The following PMF1 variants were observed in gnomAD, a reference collection of about 807,000 sequenced individuals.
PMF1 encodes polyamine modulated factor 1, also known as polyamine-modulated factor 1.
PMF1 carries 21 observed loss-of-function variants against 26.7 expected under a neutral mutation model. The ratio of observed to expected loss-of-function variants is 0.79; its 90% CI spans 0.56 to 1.13. PMF1 has a LOEUF of 1.13. Among genes scored for constraint, PMF1 ranks in the 50% most tolerant of loss-of-function variants. The pLI, the probability that PMF1 is intolerant of heterozygous loss-of-function variation, is 0.00. For synonymous variants in PMF1, 105 were observed against 101.0 expected (o/e 1.04, Z -0.24); for missense variants, 266 against 254.9 (o/e 1.04, Z -0.30).
At position 156,239,888 on chromosome 1, in the gene PMF1, C is replaced by T. The variant is rs41265031; in HGVS notation, c.*287C>T. ...TAGGTTCAGGTCAGCTCTGCCCCTC[C>T]GCCCCCCTCCTGCTGGTTCCCCAGC... On this transcript the variant is annotated 3_prime_UTR_variant, in exon 5 of 5. Transcript: ENST00000368277. 3,907 of 388,532 alleles carry T rather than the reference C, an allele frequency of 0.01. 31 individuals are homozygous for T. The highest frequency in any genetic ancestry group is 0.014 in the Non-Finnish European group (3,078 of 215,646). The allele number at this position is 388,532 out of a possible 1,614,324, so 24.1% of individuals were successfully genotyped here. A position where few individuals can be genotyped will look rare whatever the true frequency, so the allele number is the denominator to read the frequency against.
chr1:156,233,569 C>A, intron 2 of PMF1, 59 bp from the exon 3 acceptor site: 1 of 1,552,264 alleles, frequency 6.4e-7, no homozygotes, highest in South Asian at 1.1e-5. Context: ...AGCAGTTTAG[C>A]ATATTTTTGC....
chr1:156,214,713 A>G (rs1294606360), intron 1 of PMF1, among the ~76,000 whole-genome samples: 1 of 151,640 alleles, frequency 6.6e-6, no homozygotes, highest in East Asian at 1.9e-4. Flanking sequence ...ATTGCACTCC[A>G]GCCTAGGTGA....
chr1:156,224,547 C>T (rs546490409), intron 1 of PMF1, among the ~76,000 whole-genome samples: 13 of 152,232 alleles, frequency 8.5e-5, no homozygotes, highest in African/African-American at 2.2e-4. Flanking sequence ...GAGGCTGAGG[C>T]GGGCGGATCA....
At chr1:156,214,415 C>G (rs1657568796) in intron 1 of PMF1, among the ~76,000 whole-genome samples, 1 of 152,164 alleles carries the variant, frequency 6.6e-6, no homozygotes, top group Non-Finnish European at 1.5e-5. Flanking sequence ...GGGTTCAGCA[C>G]TTTACCTTTC....
intron 1 of PMF1, among the ~76,000 whole-genome samples, chr1:156,219,762 C>T (rs79075090): frequency 0.059 from 8,970 of 150,850 alleles, 573 homozygotes; most frequent in African/African-American, 0.17. Flanking sequence ...ATTTTTTTTT[C>T]TCTTTGAGAC....
intron 1 of PMF1, among the ~76,000 whole-genome samples, chr1:156,222,181 C>T (rs902047263): frequency 3.3e-5 from 5 of 152,200 alleles, no homozygotes; most frequent in African/African-American, 1.2e-4. Flanking sequence ...GCATGCACAC[C>T]TGAGTGCCAG....
chr1:156,218,806 A>C (rs1457022017), intron 1 of PMF1, among the ~76,000 whole-genome samples: 1 of 151,978 alleles, frequency 6.6e-6, no homozygotes, highest in East Asian at 1.9e-4. Context: ...AAACAAAAAA[A>C]CAGATATTGC....
chr1:156,228,765 G>T (rs573429580), intron 1 of PMF1, among the ~76,000 whole-genome samples: 24 of 152,250 alleles, frequency 1.6e-4, no homozygotes, highest in Admixed American at 4.6e-4. Context: ...AGCCCTGCTT[G>T]GTCAGCATCA....
chr1:156,229,155 G>T (rs777626665), intron 1 of PMF1, among the ~76,000 whole-genome samples: 13 of 152,146 alleles, frequency 8.5e-5, no homozygotes, highest in Non-Finnish European at 1.5e-4. Flanking sequence ...TGATCCGCCC[G>T]CCTTGGCCTC....
chr1:156,216,390 C>G (rs1222101708), intron 1 of PMF1, among the ~76,000 whole-genome samples: 1 of 151,864 alleles, frequency 6.6e-6, no homozygotes, highest in Non-Finnish European at 1.5e-5. Flanking sequence ...GACTCTATCT[C>G]AAAAAAATAA....
Position 156,236,699 on chromosome 1 carries a change from A to G in PMF1, c.564+216A>G. ...CTCCCCCAGATCCTCCACCAGGCAC[A>G]GGCATGTGTTCCCCTGATGGAGCAG... On this transcript the variant is annotated intron_variant, in intron 4 of 4. Coordinates refer to ENST00000368277, the MANE Select transcript of PMF1 (RefSeq NM_007221.4). The G allele has an allele frequency of 7.7e-6, 5 of 648,764 alleles. No individual in the cohort carries two copies. The South Asian group carries it at 1.1e-4, about 14-fold the overall frequency. 40.2% of individuals were successfully genotyped at this position (648,764 alleles called of 1,614,324 possible).
chr1:156,232,559 G>T, intron 2 of PMF1, 134 bp downstream of exon 2: 1 of 730,818 alleles, frequency 1.4e-6, no homozygotes, highest in Non-Finnish European at 2.3e-6. Flanking sequence ...GTGCCCAGCA[G>T]GCTGCAGCAT....
intron 4 of PMF1, among the ~76,000 whole-genome samples, chr1:156,238,180 A>G (rs1020900044): frequency 6.6e-6 from 1 of 152,196 alleles, no homozygotes; most frequent in Non-Finnish European, 1.5e-5. Context: ...TGGTTACTAG[A>G]GCCTTGTACA....
chr1:156,215,539 CATTT>C (rs551849894), intron 1 of PMF1, among the ~76,000 whole-genome samples: 5,690 of 151,888 alleles, frequency 0.037, 143 homozygotes, highest in Non-Finnish European at 0.055. Flanking sequence ...TATGTCCCCC[CATTT>C]ATTTATTTAT....
intron 1 of PMF1, among the ~76,000 whole-genome samples, chr1:156,219,271 G>A (rs1657950118): frequency 6.6e-6 from 1 of 152,132 alleles, no homozygotes; most frequent in Admixed American, 6.5e-5. Context: ...AGGTCACAAA[G>A]ATAATCTCCA....
chr1:156,213,202 A>T (rs775684818), intron 1 of PMF1, 26 bp downstream of exon 1: 3 of 1,607,626 alleles, frequency 1.9e-6, no homozygotes, highest in East Asian at 4.5e-5. Flanking sequence ...CCGCGGTGGG[A>T]GTGTTTGTTG....
At chr1:156,216,365 T>C (rs1448541145) in intron 1 of PMF1, among the ~76,000 whole-genome samples, 1 of 152,148 alleles carries the variant, frequency 6.6e-6, no homozygotes, top group Non-Finnish European at 1.5e-5. Flanking sequence ...CATTCTAGCC[T>C]GGGCAACAGA....
intron 4 of PMF1, among the ~76,000 whole-genome samples, chr1:156,238,614 C>G (rs1049908658): frequency 2.6e-5 from 4 of 152,224 alleles, no homozygotes; most frequent in African/African-American, 9.6e-5. Flanking sequence ...TTGACAGCCC[C>G]CTTCCTGGGG....
intron 1 of PMF1, among the ~76,000 whole-genome samples, chr1:156,218,514 C>T (rs1267051724): frequency 1.3e-5 from 2 of 152,174 alleles, no homozygotes; most frequent in Non-Finnish European, 2.9e-5. Flanking sequence ...AGGCGCAGTG[C>T]TCATGCTTGT....
Sources: gnomAD v4.1 joint callset for allele counts (sites outside exome capture counted in the v4.1 genomes callset) on GRCh38, gnomAD v4.1.1 for gene constraint, MANE v1.5 for transcripts, NCBI Gene and HGNC (gene_info 2026-07-23, HGNC 2026-07-21) for gene names.